LYRM4: variants seen among roughly 807,000 people sequenced by gnomAD.
The protein encoded by LYRM4 is LYR motif-containing protein 4.
A neutral mutation model predicts 11.7 loss-of-function variants in LYRM4; 9 were observed. That is an observed-to-expected ratio of 0.77 (90% CI 0.46 to 1.34). LYRM4 has a LOEUF of 1.34. Ranked by LOEUF, LYRM4 falls within the 40% of genes most tolerant of loss-of-function variation. The pLI is 0.00. For synonymous variants in LYRM4, 42 were observed against 40.4 expected, an observed-to-expected ratio of 1.04 and a Z score of -0.15; for missense variants, 133 against 112.5, an observed-to-expected ratio of 1.18 and a Z score of -0.82.
the LYRM4 span, among the ~76,000 whole-genome samples, chr6:5,048,290 GGTGTGTGTGTGTGTGTGTGT>G: frequency 2.1e-4 from 29 of 140,056 alleles, no homozygotes; most frequent in Admixed American, 7.9e-4. Flanking sequence ...GACACTTTGT[GGTGTGTGTGTGTGTGTGTGT>G]GTGTGTGTGT....
intron 1 of LYRM4, among the ~76,000 whole-genome samples, chr6:5,225,247 C>CAA (rs35803077): frequency 0.036 from 2,808 of 76,958 alleles, 130 homozygotes; most frequent in African/African-American, 0.14. Flanking sequence ...GACTCCGAAT[C>CAA]AAAAAAAAAA....
the LYRM4 span, among the ~76,000 whole-genome samples, chr6:5,036,116 AT>A: frequency 7.2e-5 from 11 of 152,064 alleles, no homozygotes; most frequent in Non-Finnish European, 1.5e-4. Context: ...TCCCTTAAAT[AT>A]TTTAAGTAAT....
chr6:5,217,482 G>A (rs995179351), intron 1 of LYRM4, among the ~76,000 whole-genome samples: 1 of 152,148 alleles, frequency 6.6e-6, no homozygotes, highest in Non-Finnish European at 1.5e-5. Context: ...GTGAACTTGG[G>A]CAAGCTTCTT....
At chr6:5,085,619 C>T in the LYRM4 span, 1 of 1,548,126 alleles carries the variant, frequency 6.5e-7, no homozygotes, top group Non-Finnish European at 8.7e-7. Flanking sequence ...GGTGGCGCTT[C>T]GGAGACCCCG....
chr6:5,123,199 T>A (rs1763540465), intron 2 of LYRM4, among the ~76,000 whole-genome samples: 1 of 152,188 alleles, frequency 6.6e-6, no homozygotes. Flanking sequence ...CCCGGTGCTC[T>A]GAGAATACTT....
intron 1 of LYRM4, among the ~76,000 whole-genome samples, chr6:5,232,884 A>T (rs933052655): frequency 6.6e-6 from 1 of 152,254 alleles, no homozygotes; most frequent in Non-Finnish European, 1.5e-5. Context: ...AACAAACAGC[A>T]GCTTCCCTGT....
the LYRM4 span, among the ~76,000 whole-genome samples, chr6:5,043,696 G>A: frequency 3.4e-3 from 511 of 152,066 alleles, 3 homozygotes; most frequent in African/African-American, 0.011. Context: ...CCCATTCCTC[G>A]GGAGTCCTCC....
At chr6:5,236,635 A>G (rs1763560989) in intron 1 of LYRM4, among the ~76,000 whole-genome samples, 1 of 151,928 alleles carries the variant, frequency 6.6e-6, no homozygotes, top group African/African-American at 2.4e-5. Flanking sequence ...ATGGTCTGTT[A>G]TAATAATCCC....
intron 2 of LYRM4, among the ~76,000 whole-genome samples, chr6:5,208,300 G>A (rs1476382602): frequency 1.3e-5 from 2 of 152,180 alleles, no homozygotes; most frequent in Non-Finnish European, 1.5e-5. Context: ...TATCATCTGA[G>A]CTGAGAACTT....
chr6:5,059,302 C>T, the LYRM4 span, among the ~76,000 whole-genome samples: 1 of 139,172 alleles, frequency 7.2e-6, no homozygotes, highest in Admixed American at 7.9e-5. Flanking sequence ...GACGGTGGCA[C>T]AGCATTCCGG....
intron 2 of LYRM4, among the ~76,000 whole-genome samples, chr6:5,122,484 T>C (rs1763501589): frequency 1.3e-5 from 2 of 152,156 alleles, no homozygotes; most frequent in Non-Finnish European, 1.5e-5. Flanking sequence ...AATTTAGGCT[T>C]GTAAAATGTG....
chr6:5,148,681 CT>C lies in LYRM4; in HGVS notation c.208-39191del, dbSNP rs1757919686. On this transcript the variant is annotated intron_variant, in intron 2 of 2. Transcript: ENST00000330636. ...CACACACCTCTCTCTCTCTCTCTCT[CT>C]CTGCTTATAGTGACTGAGAAATCAG... 7.7e-5 allele frequency among the ~76,000 whole-genome samples: 11 copies of C among 142,016 alleles called. No homozygotes were observed. The South Asian group carries it at 2.5e-3, about 32-fold the overall frequency. 93.2% of individuals were successfully genotyped at this position (142,016 alleles called of 152,430 possible). A position where few individuals can be genotyped will look rare whatever the true frequency, so the allele number is the denominator to read the frequency against.
chr6:5,184,468 A>G (rs570362199), intron 2 of LYRM4, among the ~76,000 whole-genome samples: 2 of 152,174 alleles, frequency 1.3e-5, no homozygotes, highest in Non-Finnish European at 2.9e-5. Context: ...ATAAGGATTG[A>G]TTTTGCTTTG....
chr6:5,217,272 T>A (rs1475127473), intron 1 of LYRM4, among the ~76,000 whole-genome samples: 1 of 152,360 alleles, frequency 6.6e-6, no homozygotes, highest in East Asian at 1.9e-4. Flanking sequence ...CTTTCTGTTG[T>A]CCACATTAGG....
At chr6:5,225,131 C>A (rs1436546334) in intron 1 of LYRM4, among the ~76,000 whole-genome samples, 1 of 151,646 alleles carries the variant, frequency 6.6e-6, no homozygotes, top group Non-Finnish European at 1.5e-5. Context: ...GCCTGTAGTC[C>A]CAGCTACTTG....
At chr6:5,179,517 A>G (rs535072081) in intron 2 of LYRM4, among the ~76,000 whole-genome samples, 49 of 152,268 alleles carry the variant, frequency 3.2e-4, no homozygotes, top group African/African-American at 1.1e-3. Flanking sequence ...TTGGAATAGC[A>G]CAGTATTTGT....
At chr6:5,049,258 TA>T in the LYRM4 span, among the ~76,000 whole-genome samples, 1 of 152,108 alleles carries the variant, frequency 6.6e-6, no homozygotes, top group Non-Finnish European at 1.5e-5. Context: ...TAGAGCCCCC[TA>T]CCACCACCCA....
intron 2 of LYRM4, among the ~76,000 whole-genome samples, chr6:5,178,486 C>A (rs1226157214): frequency 2.0e-5 from 3 of 146,862 alleles, no homozygotes; most frequent in Non-Finnish European, 4.5e-5. Flanking sequence ...AAGTAAACTA[C>A]TTTCTGCAGT....
downstream of LYRM4, chr6:5,107,513 A>G (rs985023125): frequency 3.3e-5 from 5 of 152,280 alleles, no homozygotes; most frequent in Non-Finnish European, 5.9e-5. Flanking sequence ...AGCCAGAGCC[A>G]CACACAGGGC....
Sources: allele counts gnomAD v4.1 joint callset (sites outside exome capture counted in the v4.1 genomes callset), GRCh38; gene constraint gnomAD v4.1.1; transcripts MANE v1.5; gene names NCBI Gene and HGNC (gene_info 2026-07-23, HGNC 2026-07-21).